FRMD3: variants seen among roughly 807,000 people sequenced by gnomAD.
FRMD3 encodes FERM domain containing 3, also known as FERM domain-containing protein 3.
In FRMD3, 33 loss-of-function variants were observed where a neutral mutation model predicts 70.2. The ratio of observed to expected loss-of-function variants is 0.47; its 90% CI spans 0.36 to 0.63. The LOEUF is 0.63. Among genes scored for constraint, FRMD3 ranks in the 20% least tolerant of loss-of-function variants. The pLI is 0.00. For synonymous variants in FRMD3, 279 were observed against 255.9 expected, an observed-to-expected ratio of 1.09 and a Z score of -0.86; for missense variants, 632 against 711.4, an observed-to-expected ratio of 0.89 and a Z score of 1.27.
At chr9:83,485,001 G>C (rs1436889713) in intron 1 of FRMD3, among the ~76,000 whole-genome samples, 7 of 152,194 alleles carry the variant, frequency 4.6e-5, no homozygotes, top group Non-Finnish European at 1.0e-4. Context: ...ATGTGTACTG[G>C]AGGTCTATCG....
upstream of FRMD3, among the ~76,000 whole-genome samples, chr9:83,539,180 G>A (rs1829966835): frequency 6.6e-6 from 1 of 152,134 alleles, no homozygotes. Context: ...GGAATTAAGA[G>A]GTCTAATGGC....
intron 1 of FRMD3, among the ~76,000 whole-genome samples, chr9:83,498,703 C>T (rs1190581969): frequency 6.6e-6 from 1 of 151,806 alleles, no homozygotes; most frequent in Non-Finnish European, 1.5e-5. Context: ...TTTAGAATAC[C>T]CTTTCAATAT....
intron 2 of FRMD3, among the ~76,000 whole-genome samples, chr9:83,382,361 A>T (rs1825383697): frequency 6.6e-6 from 1 of 152,246 alleles, no homozygotes; most frequent in Non-Finnish European, 1.5e-5. Flanking sequence ...AGCTCTTTTA[A>T]ACATCTTTAA....
At chr9:83,579,787 A>T in the FRMD3 span, among the ~76,000 whole-genome samples, 1 of 152,078 alleles carries the variant, frequency 6.6e-6, no homozygotes, top group South Asian at 2.1e-4. Flanking sequence ...AGACAAATGT[A>T]ATTGTATCAA....
rs907197274 is a variant in FRMD3, at chr9:83,245,457, G to A, written c.*2461C>T. 8.1e-6 allele frequency: 8 copies of A among 984,808 alleles called. No homozygotes were observed. Among genetic ancestry groups the A allele is most frequent in the African/African-American group, 3.5e-5 (2 of 57,186 alleles). The allele number at this position is 984,808 out of a possible 1,614,324, so 61.0% of individuals were successfully genotyped here. ...GTTTAAATTCAGCAGACCCTATTCTGTCAACTTCTTCACTTAAAAACATTT... is the reference window on the plus strand; with the variant it reads ...GTTTAAATTCAGCAGACCCTATTCTATCAACTTCTTCACTTAAAAACATTT... On this transcript the variant is annotated 3_prime_UTR_variant, in exon 14 of 14. Coordinates refer to ENST00000304195, the MANE Select transcript of FRMD3 (RefSeq NM_174938.6).
intron 10 of FRMD3, among the ~76,000 whole-genome samples, chr9:83,300,509 C>T (rs1229666904): frequency 6.6e-6 from 1 of 152,120 alleles, no homozygotes; most frequent in Non-Finnish European, 1.5e-5. Context: ...TATGCAAAGG[C>T]ATACAGAGTG....
intron 8 of FRMD3, among the ~76,000 whole-genome samples, chr9:83,311,338 A>G (rs896875706): frequency 6.6e-6 from 1 of 152,068 alleles, no homozygotes; most frequent in South Asian, 2.1e-4. Flanking sequence ...ATTTAAGTTA[A>G]TAGGCAGTTA....
chr9:83,265,797 G>A (rs751461255), intron 13 of FRMD3, among the ~76,000 whole-genome samples: 1 of 152,134 alleles, frequency 6.6e-6, no homozygotes, highest in Non-Finnish European at 1.5e-5. Context: ...GTTAGAATTT[G>A]CTTTTAGAGG....
At chr9:83,401,953 C>T (rs1825962379) in intron 1 of FRMD3, among the ~76,000 whole-genome samples, 1 of 152,096 alleles carries the variant, frequency 6.6e-6, no homozygotes. Flanking sequence ...ATTGGCCCTC[C>T]ACAAGACTGT....
intron 13 of FRMD3, among the ~76,000 whole-genome samples, chr9:83,257,560 G>A (rs550320999): frequency 6.6e-6 from 1 of 152,154 alleles, no homozygotes; most frequent in South Asian, 2.1e-4. Flanking sequence ...TAAAACACAA[G>A]CCTTGCAAGT....
In FRMD3 at chr9:83,307,800, C is replaced by T. The variant is rs563020645; in HGVS notation, c.926+1736G>A. Reference sequence around the variant, plus strand: ...GTATACTTTAAAAGGGTAAATTTTACGGCATGTAAATTAGATTTCCATTTA... The same window carrying T: ...GTATACTTTAAAAGGGTAAATTTTATGGCATGTAAATTAGATTTCCATTTA... On this transcript the variant is annotated intron_variant, in intron 10 of 13. Transcript: ENST00000304195. Among the ~76,000 whole-genome samples, 23 of 152,180 alleles carry T rather than the reference C, an allele frequency of 1.5e-4. 1 individual carries two copies. Among genetic ancestry groups the T allele is most frequent in the East Asian group, 1.4e-3 (7 of 5,170 alleles).
intron 1 of FRMD3, among the ~76,000 whole-genome samples, chr9:83,488,829 A>G (rs1039088843): frequency 1.3e-5 from 2 of 152,162 alleles, no homozygotes; most frequent in Admixed American, 1.3e-4. Context: ...GACTTTAGAC[A>G]TTGTCCACAT....
the FRMD3 span, among the ~76,000 whole-genome samples, chr9:83,549,235 A>G: frequency 6.6e-6 from 1 of 152,160 alleles, no homozygotes; most frequent in East Asian, 1.9e-4. Flanking sequence ...TTAGTTTGCA[A>G]AGGATGATAG....
chr9:83,538,092 T>G lies in FRMD3; in HGVS notation c.140A>C (p.His47Pro). ...RLLDDSEISC[H>P]IQRETKGQFL... ...GCCCGGTTCCACGCGCACCTGGATG[T>G]GGCAGGAGATCTCCGAGTCGTCCAG... The change falls in exon 1 of 14, where the codon CAC (histidine) becomes CCC (proline). Residue 47 changes from histidine (H) to proline (P), a missense_variant. Physicochemically the swap from His to Pro is moderately conservative, Grantham distance 77. Around this residue, in one of 3 missense-constraint regions of FRMD3, gnomAD observed 208 missense variants for 247.7 expected, o/e 0.84. Coordinates refer to ENST00000304195, the MANE Select transcript of FRMD3 (RefSeq NM_174938.6). This position sits in a 1 kb window ranked among gnomAD's most constrained non-coding sequence, Gnocchi z 4.7. 6.2e-7 allele frequency: 1 copy of G among 1,612,806 alleles called. No individual in the cohort carries two copies. Among genetic ancestry groups the G allele is most frequent in the Non-Finnish European group, 8.5e-7 (1 of 1,179,306 alleles).
chr9:83,252,121 G>T (rs373022105), intron 13 of FRMD3, among the ~76,000 whole-genome samples: 1 of 152,286 alleles, frequency 6.6e-6, no homozygotes, highest in East Asian at 1.9e-4. Context: ...AGGGCAACCA[G>T]AGAGAAAGGC....
chr9:83,503,762 C>T (rs752334655), intron 1 of FRMD3, among the ~76,000 whole-genome samples: 1 of 152,224 alleles, frequency 6.6e-6, no homozygotes, highest in Non-Finnish European at 1.5e-5. Context: ...AGGGCCAACA[C>T]TCCAGGGCCA....
At position 83,283,530 on chromosome 9, in the gene FRMD3, CAAAAAA is replaced by C. The variant is rs765093024; in HGVS notation, c.1195+7067_1195+7072del. ...TGGGCGACAGAGCGAGAATCCATCT[CAAAAAA>C]AAAAAAAAAAAATAATAATAATAAT... On this transcript the variant is annotated intron_variant, in intron 13 of 13. Coordinates refer to ENST00000304195, the MANE Select transcript of FRMD3 (RefSeq NM_174938.6). Among the ~76,000 whole-genome samples, 458 of 132,242 alleles carry C rather than the reference CAAAAAA, an allele frequency of 3.5e-3. 2 individuals are homozygous for C. Among genetic ancestry groups the C allele is most frequent in the African/African-American group, 8.9e-3 (310 of 34,966 alleles). The allele number at this position is 132,242 out of a possible 152,430, so 86.8% of individuals were successfully genotyped here. A position where few individuals can be genotyped will look rare whatever the true frequency, so the allele number is the denominator to read the frequency against.
the FRMD3 span, among the ~76,000 whole-genome samples, chr9:83,577,999 A>G: frequency 6.6e-6 from 1 of 151,930 alleles, no homozygotes; most frequent in Non-Finnish European, 1.5e-5. Flanking sequence ...AAACATTACA[A>G]CAGATAGCAA....
intron 1 of FRMD3, among the ~76,000 whole-genome samples, chr9:83,438,284 C>G (rs1242141867): frequency 6.6e-6 from 1 of 152,190 alleles, no homozygotes; most frequent in Non-Finnish European, 1.5e-5. Flanking sequence ...GAAATAAACA[C>G]TAACTATTTG....
Sources: allele counts gnomAD v4.1 joint callset (sites outside exome capture counted in the v4.1 genomes callset), GRCh38; gene constraint gnomAD v4.1.1; regional missense constraint gnomAD v4.1.1; non-coding constraint Gnocchi (gnomAD v3.1); transcripts MANE v1.5; gene names NCBI Gene and HGNC (gene_info 2026-07-23, HGNC 2026-07-21).